Variants in LPGAT1 observed in about 807,000 individuals in gnomAD.
LPGAT1 encodes the protein acyl-CoA:lysophosphatidylglycerol acyltransferase 1.
In LPGAT1, 11 loss-of-function variants were observed where a neutral mutation model predicts 47.5. The ratio of observed to expected loss-of-function variants is 0.23; its 90% CI spans 0.15 to 0.38. The LOEUF (loss-of-function observed/expected upper bound fraction) is 0.38. Among genes scored for constraint, LPGAT1 ranks in the 10% least tolerant of loss-of-function variants. The probability of loss-of-function intolerance (pLI) is 1.00; values close to 1 mark genes in which losing one functional copy is unlikely to be tolerated. For missense variants in LPGAT1, 293 were observed against 439.0 expected, an observed-to-expected ratio of 0.67 and a Z score of 2.97; for synonymous variants, 138 against 144.2, an observed-to-expected ratio of 0.96 and a Z score of 0.31.
chr1:211,808,854 T>G (rs1553312614), intron 2 of LPGAT1, among the ~76,000 whole-genome samples: 3 of 152,152 alleles, frequency 2.0e-5, no homozygotes, highest in Non-Finnish European at 4.4e-5. Flanking sequence ...CGTGTTTATT[T>G]TCTTCCATTT....
At chr1:211,781,250 G>C (rs937024345) in intron 5 of LPGAT1, among the ~76,000 whole-genome samples, 3 of 152,152 alleles carry the variant, frequency 2.0e-5, no homozygotes, top group Non-Finnish European at 4.4e-5. Context: ...TTATAAACTA[G>C]TTCTCTGTAA....
At chr1:211,756,166 G>A (rs1436104544) in intron 6 of LPGAT1, among the ~76,000 whole-genome samples, 1 of 152,084 alleles carries the variant, frequency 6.6e-6, no homozygotes, top group African/African-American at 2.4e-5. Context: ...AACCCAGGAG[G>A]TGGAGGTTGC....
chr1:211,771,210 G>A (rs566844161), intron 6 of LPGAT1, among the ~76,000 whole-genome samples: 2 of 152,118 alleles, frequency 1.3e-5, no homozygotes, highest in East Asian at 3.9e-4. Flanking sequence ...TCACTACAGT[G>A]ATATGATGTA....
chr1:211,774,343 C>T (rs763096946), intron 6 of LPGAT1, among the ~76,000 whole-genome samples: 13 of 151,734 alleles, frequency 8.6e-5, no homozygotes, highest in Non-Finnish European at 1.6e-4. Context: ...TCTTGAACTC[C>T]GGCCTCAAGT....
intron 2 of LPGAT1, among the ~76,000 whole-genome samples, chr1:211,800,769 G>A (rs897145478): frequency 3.3e-5 from 5 of 152,172 alleles, no homozygotes; most frequent in African/African-American, 9.7e-5. Context: ...TAAGCCTGTG[G>A]TAAAATCAGG....
intron 2 of LPGAT1, among the ~76,000 whole-genome samples, chr1:211,809,969 T>C (rs1400911278): frequency 6.6e-6 from 1 of 152,140 alleles, no homozygotes; most frequent in Non-Finnish European, 1.5e-5. Flanking sequence ...CCTCTCTGTT[T>C]TGCTAACAGA....
At position 211,830,116 on chromosome 1, in the gene LPGAT1, G is replaced by GA. The variant is rs1306369717; in HGVS notation, c.-28+456_-28+457insT. The GA allele has an allele frequency of 4.1e-6, 4 of 984,344 alleles. No individual in the cohort carries two copies. The East Asian group carries it at 4.6e-4, about 112-fold the overall frequency. 61.0% of individuals were successfully genotyped at this position (984,344 alleles called of 1,614,324 possible). On this transcript the variant is annotated intron_variant, in intron 1 of 7. Coordinates refer to ENST00000366997, the MANE Select transcript of LPGAT1 (RefSeq NM_014873.3). This position sits in a 1 kb window ranked among gnomAD's most constrained non-coding sequence, Gnocchi z 5.9. ...GACCGCAGCGCGGGGAGCCGGTGGA[G>GA]CCTGCAGCGGTTTCCGCGGATGTGG... is the stretch of plus-strand genomic sequence containing the variant.
rs376493786 is a variant in LPGAT1, at chr1:211,763,890, G to A, written c.855-12823C>T. ...CTAGATAATTAAAAATTCCTTCTTG[G>A]GCTGGGTGCCATGGCTCATGCCTGT... On this transcript the variant is annotated intron_variant, in intron 6 of 7. Transcript: ENST00000366997. Among the ~76,000 whole-genome samples the A allele has an allele frequency of 3.0e-4, 46 of 152,064 alleles. 1 individual carries two copies. The South Asian group carries it at 8.9e-3, about 29-fold the overall frequency.
chr1:211,808,141 T>C (rs902152166), intron 2 of LPGAT1, among the ~76,000 whole-genome samples: 31 of 150,878 alleles, frequency 2.1e-4, no homozygotes, highest in African/African-American at 7.6e-4. Context: ...AGGTCGGGAG[T>C]TCGAGACCAG....
chr1:211,806,472 G>T (rs998679613), intron 2 of LPGAT1, among the ~76,000 whole-genome samples: 1 of 151,974 alleles, frequency 6.6e-6, no homozygotes, highest in African/African-American at 2.4e-5. Flanking sequence ...CTAAACATTG[G>T]ATATGCACAG....
chr1:211,749,521 A>G lies in LPGAT1; in HGVS notation c.*378T>C. 1 of 226,992 alleles carries G rather than the reference A, an allele frequency of 4.4e-6. No individual in the cohort carries two copies. The highest frequency in any genetic ancestry group is 8.5e-6 in the Non-Finnish European group (1 of 117,616). 14.1% of individuals were successfully genotyped at this position (226,992 alleles called of 1,614,324 possible). On this transcript the variant is annotated 3_prime_UTR_variant, in exon 8 of 8. Transcript: ENST00000366997. ...CTAGAGAACTGCCCTAATATAGACT[A>G]CAGCTAAGAGGGATGAATATAACTT...
intron 2 of LPGAT1, among the ~76,000 whole-genome samples, chr1:211,805,663 C>T (rs1375930417): frequency 6.6e-6 from 1 of 152,076 alleles, no homozygotes. Context: ...AGTTAAAAAC[C>T]TTCCAAAAAT....
rs551809742 is a variant in LPGAT1, at chr1:211,804,115, C to T, written c.239-10925G>A. ...TGAGGTTGGGTCTTACTCTGCTACC[C>T]AGTTTGGAGTGCAGTGGCACAATCA... On this transcript the variant is annotated intron_variant, in intron 2 of 7. Transcript: ENST00000366997. Among the ~76,000 whole-genome samples the T allele has an allele frequency of 3.9e-5, 6 of 152,236 alleles. No individual in the cohort carries two copies. In the South Asian group the frequency reaches 1.2e-3, roughly 32 times the overall value.
rs957925588 is a variant in LPGAT1 at position 211,830,169 on chromosome 1, C to T, written c.-28+404G>A. The T allele has an allele frequency of 4.1e-6, 4 of 982,898 alleles. No individual in the cohort carries two copies. In the Admixed American group the frequency reaches 1.9e-4, roughly 46 times the overall value. The allele number at this position is 982,898 out of a possible 1,614,324, so 60.9% of individuals were successfully genotyped here. A position where few individuals can be genotyped will look rare whatever the true frequency, so the allele number is the denominator to read the frequency against. ...GGGTCGTGGCGGCGGGCGCGGCCCG[C>T]GCGCCGGGCTCACCTCGGCGGGCGC... is the stretch of plus-strand genomic sequence containing the variant. On this transcript the variant is annotated intron_variant, in intron 1 of 7. Coordinates refer to ENST00000366997, the MANE Select transcript of LPGAT1 (RefSeq NM_014873.3). The surrounding 1 kb of genome is among the most constrained non-coding windows in gnomAD (Gnocchi z 5.9).
chr1:211,760,403 C>T (rs1001243809), intron 6 of LPGAT1, among the ~76,000 whole-genome samples: 2 of 152,160 alleles, frequency 1.3e-5, no homozygotes, highest in Non-Finnish European at 2.9e-5. Context: ...TGCGGTGAGC[C>T]GAGATTGCAT....
intron 6 of LPGAT1, among the ~76,000 whole-genome samples, chr1:211,775,093 G>A (rs1658343313): frequency 6.6e-6 from 1 of 152,158 alleles, no homozygotes. Flanking sequence ...TACAGAACAG[G>A]TAGTGGAATT....
At chr1:211,787,019 G>T (rs1385502963) in intron 4 of LPGAT1, among the ~76,000 whole-genome samples, 1 of 146,230 alleles carries the variant, frequency 6.8e-6, no homozygotes, top group African/African-American at 2.4e-5. Context: ...TAAATAATTT[G>T]CCCAATTCAC....
Position 211,747,747 on chromosome 1 carries a change from A to G in LPGAT1, c.*2152T>C, listed in dbSNP as rs1168911755. ...TGGTGCTTGCTGGGCCTCAAACAGA[A>G]GCATCATTAAGCTTCTATTGGGCTT... On this transcript the variant is annotated 3_prime_UTR_variant, in exon 8 of 8. Transcript: ENST00000366997. 1 of 152,336 alleles carries G rather than the reference A, an allele frequency of 6.6e-6. No homozygotes were observed. The highest frequency in any genetic ancestry group is 1.5e-5 in the Non-Finnish European group (1 of 68,038). 9.4% of individuals were successfully genotyped at this position (152,336 alleles called of 1,614,324 possible).
chr1:211,757,752 GTC>G (rs1179504073), intron 6 of LPGAT1, among the ~76,000 whole-genome samples: 1 of 152,186 alleles, frequency 6.6e-6, no homozygotes, highest in Non-Finnish European at 1.5e-5. Flanking sequence ...CAAATGAAGA[GTC>G]TCTGCCTAAT....
Sources: allele counts gnomAD v4.1 joint callset (sites outside exome capture counted in the v4.1 genomes callset), GRCh38; gene constraint gnomAD v4.1.1; non-coding constraint Gnocchi (gnomAD v3.1); transcripts MANE v1.5; gene names NCBI Gene and HGNC (gene_info 2026-07-23, HGNC 2026-07-21).